PDCD11: variants seen among roughly 807,000 people sequenced by gnomAD.
PDCD11 encodes programmed cell death 11.
A neutral mutation model predicts 198.9 loss-of-function variants in PDCD11; 97 were observed. The observed-to-expected ratio is 0.49, with a 90% confidence interval of 0.41 to 0.58. The LOEUF is 0.58. Ranked by LOEUF, PDCD11 falls within the 20% of genes least tolerant of loss-of-function variation. The pLI is 0.00. For synonymous variants in PDCD11, 893 were observed against 918.0 expected (o/e 0.97, Z 0.49); for missense variants, 2,102 against 2,312.7 (o/e 0.91, Z 1.87).
At chr10:103,404,927 T>C in intron 4 of PDCD11, 95 bp from the exon 5 acceptor site, 2 of 1,166,286 alleles carry the variant, frequency 1.7e-6, no homozygotes, top group Non-Finnish European at 2.4e-6. Flanking sequence ...TTCTCTGGGG[T>C]CTGAGGATGA....
At chr10:103,422,365 G>C (rs907719435) in intron 17 of PDCD11, among the ~76,000 whole-genome samples, 18 of 151,846 alleles carry the variant, frequency 1.2e-4, no homozygotes, top group African/African-American at 4.3e-4. Context: ...ACAGGCGTGA[G>C]CCACTGCGCC....
chr10:103,398,555 C>A, intron 2 of PDCD11, 27 bp downstream of exon 2: 2 of 1,420,912 alleles, frequency 1.4e-6, no homozygotes, highest in Non-Finnish European at 2.0e-6. Flanking sequence ...TTTGGTGACA[C>A]TCACTGGAAA....
chr10:103,408,199 T>G, intron 7 of PDCD11, among the ~76,000 whole-genome samples: 1 of 152,192 alleles, frequency 6.6e-6, no homozygotes, highest in African/African-American at 2.4e-5. Flanking sequence ...TCCTCCCACC[T>G]AGAACCCTTT....
At chr10:103,414,628 A>AC (rs752022214) in intron 11 of PDCD11, among the ~76,000 whole-genome samples, 6 of 152,170 alleles carry the variant, frequency 3.9e-5, no homozygotes, top group Non-Finnish European at 8.8e-5. Flanking sequence ...TTATTGATCT[A>AC]CCTGGGATAT....
chr10:103,414,292 C>G lies in PDCD11; in HGVS notation c.1333C>G (p.Leu445Val). The change falls in exon 11 of 36, where the codon CTT becomes GTT. Residue 445 changes from leucine to valine, a missense_variant. Transcript: ENST00000369797. ...LRTSIIEAQY[L>V]RYHDIEPGAV... ...TAGGTCTATTATTGAAGCTCAGTAC[C>G]TTAGATATCATGACATCGAACCTGG... The G allele has an allele frequency of 6.2e-7, 1 of 1,613,680 alleles. No individual in the cohort carries two copies. The highest frequency in any genetic ancestry group is 1.7e-5 in the Admixed American group (1 of 60,010).
Position 103,413,129 on chromosome 10 carries a change from T to C in PDCD11, c.992T>C (p.Ile331Thr), listed in dbSNP as rs1319982665. The C allele has an allele frequency of 4.3e-6, 7 of 1,613,974 alleles. No individual in the cohort carries two copies. The South Asian group carries it at 6.6e-5, about 15-fold the overall frequency. The change falls in exon 9 of 36, where the codon ATC becomes ACC. Residue 331 changes from isoleucine to threonine, a missense_variant. Ile to Thr is a moderately conservative substitution (Grantham distance 89). Transcript: ENST00000369797. ...CCTTTTGTCTAGGTGAGGGCCTGCA[T>C]CCTTTGCGTCCATCCTCGAACCAGA... ...YFSNQAVRAC[I>T]LCVHPRTRVV...
chr10:103,414,371 A>G, intron 11 of PDCD11, 41 bp downstream of exon 11: 6 of 1,479,802 alleles, frequency 4.1e-6, no homozygotes, highest in Non-Finnish European at 5.7e-6. Context: ...CCTCACCATC[A>G]GGCGTTCTTT....
intron 23 of PDCD11, 26 bp from the exon 24 acceptor site, chr10:103,434,222 T>C: frequency 1.3e-6 from 2 of 1,507,594 alleles, no homozygotes; most frequent in South Asian, 2.3e-5. Flanking sequence ...TCTTCAAGCA[T>C]CACAGGAGTT....
chr10:103,433,811 G>A, intron 22 of PDCD11, 137 bp from the exon 23 acceptor site: 1 of 670,872 alleles, frequency 1.5e-6, no homozygotes, highest in Non-Finnish European at 2.7e-6. Flanking sequence ...GGCAAGGGCA[G>A]TGGGATGGAA....
chr10:103,419,410 C>T, intron 15 of PDCD11, 128 bp from the exon 16 acceptor site: 1 of 1,023,632 alleles, frequency 9.8e-7, no homozygotes, highest in South Asian at 1.6e-5. Flanking sequence ...CTGGTCTGCA[C>T]ACTTAGAGAA....
chr10:103,435,075 A>G (rs1024560689), intron 25 of PDCD11, 100 bp downstream of exon 25: 4 of 846,496 alleles, frequency 4.7e-6, no homozygotes, highest in African/African-American at 1.8e-5. Flanking sequence ...AAAAACAGGT[A>G]TATGAAATAG....
Position 103,439,883 on chromosome 10 carries a change from G to A in PDCD11, c.4148+15G>A, listed in dbSNP as rs201679251. On this transcript the variant is annotated intron_variant, in intron 28 of 35. Coordinates refer to ENST00000369797, the MANE Select transcript of PDCD11 (RefSeq NM_014976.2). ...AGGGTCCTACGGTAGGTGCCTTCCC[G>A]TTCTCTCTCTCTCTGTAATGTGAAT... 9.0e-5 allele frequency: 145 copies of A among 1,613,862 alleles called. No homozygotes were observed. Among genetic ancestry groups the A allele is most frequent in the South Asian group, 2.4e-4 (22 of 91,064 alleles).
chr10:103,435,221 ACT>A (rs918267160), intron 25 of PDCD11, among the ~76,000 whole-genome samples: 4 of 152,040 alleles, frequency 2.6e-5, no homozygotes, highest in African/African-American at 9.7e-5. Context: ...CATTTGATAT[ACT>A]GTTTTTTTCT....
In PDCD11 at chr10:103,417,807, G is replaced by C. The variant is rs138854677; in HGVS notation, c.1786G>C (p.Val596Leu). Residue 596 changes from valine (V) to leucine (L), a missense_variant, in exon 14 of 36, where the codon GTA becomes CTA. Physicochemically the swap from Val to Leu is conservative, Grantham distance 32. Transcript: ENST00000369797. ...FYTGQVVKVV[V>L]LNCEPSKERM... ...TTCTTGCCAGGTGGTGAAGGTTGTC[G>C]TATTGAACTGTGAGCCATCCAAAGA... is the stretch of plus-strand genomic sequence containing the variant. 1.9e-6 allele frequency: 3 copies of C among 1,613,964 alleles called. No homozygotes were observed. The highest frequency in any genetic ancestry group is 2.5e-6 in the Non-Finnish European group (3 of 1,179,988).
At chr10:103,445,230 C>T (rs1263000361) in intron 35 of PDCD11, 148 bp from the exon 36 acceptor site, 3 of 709,770 alleles carry the variant, frequency 4.2e-6, no homozygotes, top group Non-Finnish European at 7.3e-6. Context: ...GGGAGTTCAT[C>T]ATGGATTAAT....
chr10:103,417,510 C>T (rs1049153364), intron 13 of PDCD11, among the ~76,000 whole-genome samples: 1 of 152,180 alleles, frequency 6.6e-6, no homozygotes, highest in Non-Finnish European at 1.5e-5. Context: ...CAATGTGTAA[C>T]GATCAAACCA....
chr10:103,406,177 A>G, intron 6 of PDCD11, 69 bp downstream of exon 6: 1 of 1,555,640 alleles, frequency 6.4e-7, no homozygotes, highest in East Asian at 2.3e-5. Flanking sequence ...TTTAAGTGCC[A>G]TTTTGATGAG....
chr10:103,419,135 G>A (rs778129052), intron 15 of PDCD11, among the ~76,000 whole-genome samples: 1 of 152,164 alleles, frequency 6.6e-6, no homozygotes, highest in Non-Finnish European at 1.5e-5. Flanking sequence ...GGGAAAATGA[G>A]TTCATCAGTG....
chr10:103,423,702 T>C (rs2133717472), intron 19 of PDCD11, 44 bp downstream of exon 19: 1 of 1,304,946 alleles, frequency 7.7e-7, no homozygotes, highest in Middle Eastern at 1.8e-4. Flanking sequence ...TCACATGATG[T>C]ACCCTTCAAC....
Sources: allele counts gnomAD v4.1 joint callset (sites outside exome capture counted in the v4.1 genomes callset), GRCh38; gene constraint gnomAD v4.1.1; transcripts MANE v1.5; gene names NCBI Gene and HGNC (gene_info 2026-07-23, HGNC 2026-07-21).